The following NMNAT2 variants were observed in gnomAD, a reference collection of about 807,000 sequenced individuals.
The protein encoded by NMNAT2 is nicotinamide/nicotinic acid mononucleotide adenylyltransferase 2.
In NMNAT2, 11 loss-of-function variants were observed where a neutral mutation model predicts 41.6. The ratio of observed to expected loss-of-function variants is 0.26; its 90% confidence interval spans 0.17 to 0.44. The LOEUF is 0.44. Among genes scored for constraint, NMNAT2 ranks in the 20% least tolerant of loss-of-function variants. The probability of loss-of-function intolerance (pLI) is 1.00; values close to 1 mark genes in which losing one functional copy is unlikely to be tolerated. For missense variants in NMNAT2, 288 were observed against 407.7 expected (o/e 0.71, Z 2.53); for synonymous variants, 148 against 151.2 (o/e 0.98, Z 0.16).
At chr1:183,270,892 C>G (rs1660970056) in intron 8 of NMNAT2, among the ~76,000 whole-genome samples, 1 of 152,138 alleles carries the variant, frequency 6.6e-6, no homozygotes. Flanking sequence ...TCCATTTATC[C>G]TGGGGCCCTG....
intron 1 of NMNAT2, among the ~76,000 whole-genome samples, chr1:183,345,937 C>T (rs1268569082): frequency 6.6e-6 from 1 of 152,106 alleles, no homozygotes; most frequent in Non-Finnish European, 1.5e-5. Context: ...CTGCCTGCCT[C>T]GGCCTCCCAA....
chr1:183,399,300 T>C (rs1648743953), intron 1 of NMNAT2, among the ~76,000 whole-genome samples: 1 of 152,078 alleles, frequency 6.6e-6, no homozygotes. Flanking sequence ...ACAAATAAAC[T>C]AGAAAATCTA....
At chr1:183,293,852 A>G in intron 1 of NMNAT2, 59 bp from the exon 2 acceptor site, 1 of 1,142,930 alleles carries the variant, frequency 8.7e-7, no homozygotes, top group South Asian at 1.2e-5. Flanking sequence ...TAAAGGTGAT[A>G]ATTGAAATCA....
intron 1 of NMNAT2, among the ~76,000 whole-genome samples, chr1:183,383,938 A>G (rs144019603): frequency 0.031 from 4,764 of 151,968 alleles, 194 homozygotes; most frequent in East Asian, 0.13. Context: ...TTGCTTCCAC[A>G]TTTTCAGTTA....
chr1:183,386,576 A>G (rs1648254612), intron 1 of NMNAT2, among the ~76,000 whole-genome samples: 1 of 152,196 alleles, frequency 6.6e-6, no homozygotes, highest in South Asian at 2.1e-4. Context: ...TCGTCATTTT[A>G]TATGAATTTT....
chr1:183,334,657 C>G (rs1662648022), intron 1 of NMNAT2, among the ~76,000 whole-genome samples: 1 of 151,712 alleles, frequency 6.6e-6, no homozygotes. Context: ...TTACAGGCAC[C>G]CACCACCAAG....
intron 3 of NMNAT2, 68 bp downstream of exon 3, chr1:183,292,721 CT>C: frequency 7.0e-7 from 1 of 1,427,492 alleles, no homozygotes; most frequent in South Asian, 1.2e-5. Flanking sequence ...TGGAACTCTT[CT>C]TTTTTCCCCA....
intron 1 of NMNAT2, among the ~76,000 whole-genome samples, chr1:183,332,423 A>T (rs1226650258): frequency 6.6e-6 from 1 of 152,226 alleles, no homozygotes; most frequent in Non-Finnish European, 1.5e-5. Context: ...ATGTGATATT[A>T]ATCATTGTGA....
intron 1 of NMNAT2, among the ~76,000 whole-genome samples, chr1:183,312,706 G>T (rs1365631401): frequency 6.6e-6 from 1 of 152,112 alleles, no homozygotes; most frequent in East Asian, 1.9e-4. Flanking sequence ...CAGGATATCT[G>T]GGTTCAAATC....
rs1431539887 is a variant in NMNAT2 at position 183,367,680 on chromosome 1, TA to T, written c.85+50502del. On this transcript the variant is annotated intron_variant, in intron 1 of 10. Transcript: ENST00000287713. The stretch of plus-strand genomic sequence containing the variant: ...ATTGTTGACCACATAACTGTTTCAG[TA>T]AAAAGATTTGGGGCACAACTTGTCA... Among the ~76,000 whole-genome samples, 6 of 152,334 alleles carry T rather than the reference TA, an allele frequency of 3.9e-5. No homozygotes were observed. In the East Asian group the frequency reaches 1.2e-3, roughly 29 times the overall value.
chr1:183,312,569 T>TA (rs5779167), intron 1 of NMNAT2, among the ~76,000 whole-genome samples: 4,031 of 149,182 alleles, frequency 0.027, 149 homozygotes, highest in African/African-American at 0.088. Context: ...TTACAGTTCC[T>TA]AAAAAAAAAA....
chr1:183,363,003 G>T (rs1271173821), intron 1 of NMNAT2, among the ~76,000 whole-genome samples: 1 of 152,062 alleles, frequency 6.6e-6, no homozygotes, highest in Admixed American at 6.5e-5. Flanking sequence ...GGCGTGAAGT[G>T]GTATCTCACT....
intron 1 of NMNAT2, among the ~76,000 whole-genome samples, chr1:183,329,483 G>A (rs1326401775): frequency 6.6e-6 from 1 of 152,102 alleles, no homozygotes; most frequent in East Asian, 1.9e-4. Context: ...TGTGTGGGAG[G>A]AGACCTACTT....
intron 1 of NMNAT2, among the ~76,000 whole-genome samples, chr1:183,366,341 T>C (rs1169266378): frequency 6.6e-6 from 1 of 152,190 alleles, no homozygotes; most frequent in East Asian, 1.9e-4. Flanking sequence ...ATAGGGTCAT[T>C]TTTAGAATTG....
chr1:183,409,685 G>A (rs1290965569), intron 1 of NMNAT2, among the ~76,000 whole-genome samples: 2 of 152,190 alleles, frequency 1.3e-5, no homozygotes, highest in African/African-American at 4.8e-5. Flanking sequence ...CTAAAAACAA[G>A]TGTCAAAAGA....
intron 8 of NMNAT2, among the ~76,000 whole-genome samples, chr1:183,277,293 G>A (rs1661146107): frequency 6.6e-6 from 1 of 152,070 alleles, no homozygotes; most frequent in African/African-American, 2.4e-5. Flanking sequence ...GACCAGCCTG[G>A]TCAACATGGC....
At chr1:183,318,124 C>T (rs954447767) in intron 1 of NMNAT2, among the ~76,000 whole-genome samples, 1 of 152,192 alleles carries the variant, frequency 6.6e-6, no homozygotes, top group African/African-American at 2.4e-5. Flanking sequence ...TCCACTGACA[C>T]AGTGGGAAAT....
intron 1 of NMNAT2, among the ~76,000 whole-genome samples, chr1:183,403,065 C>T (rs1057213767): frequency 1.3e-5 from 2 of 151,608 alleles, no homozygotes; most frequent in East Asian, 3.9e-4. Context: ...TCCTGAATAG[C>T]TGGGATTACA....
At chr1:183,360,894 A>G (rs181108441) in intron 1 of NMNAT2, among the ~76,000 whole-genome samples, 3 of 152,368 alleles carry the variant, frequency 2.0e-5, no homozygotes, top group East Asian at 1.9e-4. Flanking sequence ...TAAAAAATAC[A>G]TAATTATAAA....
Sources: gnomAD v4.1 joint callset for allele counts (sites outside exome capture counted in the v4.1 genomes callset) on GRCh38, gnomAD v4.1.1 for gene constraint, MANE v1.5 for transcripts, NCBI Gene and HGNC (gene_info 2026-07-23, HGNC 2026-07-21) for gene names.